SLIT3: variants seen among roughly 807,000 people sequenced by gnomAD.
SLIT3 encodes the protein slit guidance ligand 3, also known as slit homolog 3 protein.
SLIT3 carries 68 observed loss-of-function variants against 184.0 expected under a neutral mutation model. That is an observed-to-expected ratio of 0.37 (90% CI 0.30 to 0.45). The LOEUF (loss-of-function observed/expected upper bound fraction) is 0.45, where lower values mean the gene tolerates loss of function less well. Among genes scored for constraint, SLIT3 ranks in the 20% least tolerant of loss-of-function variants. SLIT3 has a pLI of 1.00. For missense variants in SLIT3, 1,707 were observed against 2,026.0 expected, an observed-to-expected ratio of 0.84 and a Z score of 3.02; for synonymous variants, 831 against 828.6, an observed-to-expected ratio of 1.00 and a Z score of -0.05.
chr5:168,805,444 A>G (rs1022380891), intron 9 of SLIT3, among the ~76,000 whole-genome samples: 1 of 152,192 alleles, frequency 6.6e-6, no homozygotes, highest in Admixed American at 6.5e-5. Context: ...TCTCAGTAGA[A>G]GGGCTCCATA....
intron 14 of SLIT3, among the ~76,000 whole-genome samples, chr5:168,764,155 T>C (rs1755251949): frequency 6.6e-6 from 1 of 152,200 alleles, no homozygotes; most frequent in African/African-American, 2.4e-5. Context: ...AGGAGTGGTA[T>C]GCATGCTTGT....
chr5:169,077,238 G>T (rs554346644), intron 4 of SLIT3, among the ~76,000 whole-genome samples: 25 of 152,034 alleles, frequency 1.6e-4, no homozygotes, highest in African/African-American at 5.8e-4. Context: ...CTAGTTTATT[G>T]TAAGAATACA....
chr5:169,145,832 G>C (rs1054689452), intron 4 of SLIT3, among the ~76,000 whole-genome samples: 3 of 152,230 alleles, frequency 2.0e-5, no homozygotes, highest in African/African-American at 7.2e-5. Context: ...CAGATTGCCT[G>C]AGGTCAGGAG....
At chr5:168,905,101 C>T (rs896558746) in intron 4 of SLIT3, among the ~76,000 whole-genome samples, 14 of 152,184 alleles carry the variant, frequency 9.2e-5, no homozygotes, top group South Asian at 2.1e-4. Flanking sequence ...TGCTCGAACC[C>T]GGGAGGCGGA....
intron 5 of SLIT3, among the ~76,000 whole-genome samples, chr5:168,851,049 T>A (rs1195155031): frequency 6.6e-6 from 1 of 152,086 alleles, no homozygotes; most frequent in Non-Finnish European, 1.5e-5. Flanking sequence ...TAGGGCCAGG[T>A]GCAGCGGTTC....
intron 20 of SLIT3, among the ~76,000 whole-genome samples, chr5:168,731,230 C>T (rs1763281043): frequency 6.6e-6 from 1 of 151,854 alleles, no homozygotes; most frequent in Admixed American, 6.6e-5. Context: ...GAAATTGAAC[C>T]AGGAATAAGT....
chr5:168,730,974 C>G (rs181403731), intron 20 of SLIT3, among the ~76,000 whole-genome samples: 1 of 151,850 alleles, frequency 6.6e-6, no homozygotes, highest in African/African-American at 2.4e-5. Context: ...AAGGATAATA[C>G]AGAAGATTAA....
chr5:169,246,158 T>G (rs1412631838), intron 2 of SLIT3, among the ~76,000 whole-genome samples: 1 of 152,190 alleles, frequency 6.6e-6, no homozygotes, highest in African/African-American at 2.4e-5. Context: ...AAGAAACTCC[T>G]TTTGACAAAT....
intron 4 of SLIT3, among the ~76,000 whole-genome samples, chr5:168,936,967 GC>G (rs1165599086): frequency 6.6e-6 from 1 of 152,160 alleles, no homozygotes; most frequent in African/African-American, 2.4e-5. Context: ...GTTAACTATA[GC>G]TGGGCTTAGT....
chr5:169,164,063 G>A (rs2113399519), intron 4 of SLIT3, among the ~76,000 whole-genome samples: 1 of 152,300 alleles, frequency 6.6e-6, no homozygotes, highest in South Asian at 2.1e-4. Context: ...AGTGATTTAT[G>A]TTCTGGAAGG....
intron 14 of SLIT3, among the ~76,000 whole-genome samples, chr5:168,769,519 T>A (rs1227431167): frequency 6.6e-6 from 1 of 152,144 alleles, no homozygotes; most frequent in Non-Finnish European, 1.5e-5. Flanking sequence ...CAGCTCTGGG[T>A]CTGTCTGGCC....
chr5:168,808,808 G>C (rs890950451), intron 8 of SLIT3, among the ~76,000 whole-genome samples: 29 of 152,226 alleles, frequency 1.9e-4, no homozygotes, highest in African/African-American at 6.5e-4. Context: ...ACATCGAAGG[G>C]AGGTTGGGAG....
intron 4 of SLIT3, among the ~76,000 whole-genome samples, chr5:169,080,003 A>C (rs1454661097): frequency 6.6e-6 from 1 of 151,832 alleles, no homozygotes; most frequent in African/African-American, 2.4e-5. Flanking sequence ...ATTGGTAAGA[A>C]AGACTTTATT....
At chr5:168,710,111 C>G (rs1298117780) in intron 25 of SLIT3, 1 of 152,064 alleles carries the variant, frequency 6.6e-6, no homozygotes, top group Admixed American at 6.6e-5. Context: ...TCGAAAGATT[C>G]AAAACCAGAA....
chr5:169,082,596 C>T (rs1007495868), intron 4 of SLIT3, among the ~76,000 whole-genome samples: 1 of 152,206 alleles, frequency 6.6e-6, no homozygotes, highest in Non-Finnish European at 1.5e-5. Flanking sequence ...CTCTCTCTTT[C>T]TCTACCTACC....
chr5:169,103,096 C>T (rs1226448484), intron 4 of SLIT3, among the ~76,000 whole-genome samples: 1 of 152,186 alleles, frequency 6.6e-6, no homozygotes, highest in East Asian at 1.9e-4. Flanking sequence ...CATGCATTAA[C>T]CCATTTAAAC....
intron 4 of SLIT3, among the ~76,000 whole-genome samples, chr5:169,174,245 C>A (rs1189165825): frequency 6.6e-6 from 1 of 152,150 alleles, no homozygotes; most frequent in African/African-American, 2.4e-5. Context: ...CCTTATCCTG[C>A]ATTTCTTTAA....
At chr5:169,009,951 C>T (rs191218451) in intron 4 of SLIT3, among the ~76,000 whole-genome samples, 62 of 152,268 alleles carry the variant, frequency 4.1e-4, no homozygotes, top group East Asian at 5.8e-4. Context: ...CCTTCACTGC[C>T]TCAGGGATGA....
At chr5:169,196,810 AC>A (rs1261759463) in intron 3 of SLIT3, among the ~76,000 whole-genome samples, 7 of 152,006 alleles carry the variant, frequency 4.6e-5, no homozygotes, top group African/African-American at 1.4e-4. Context: ...ACTTCCTCCA[AC>A]CCATCCAAGG....
Sources: gnomAD v4.1 joint callset for allele counts (sites outside exome capture counted in the v4.1 genomes callset) on GRCh38, gnomAD v4.1.1 for gene constraint, MANE v1.5 for transcripts, NCBI Gene and HGNC (gene_info 2026-07-23, HGNC 2026-07-21) for gene names.